Variants in SOS1 observed in about 807,000 individuals in gnomAD.
SOS1 encodes son of sevenless homolog 1.
In SOS1, 25 loss-of-function variants were observed where a neutral mutation model predicts 157.6. That is an observed-to-expected ratio of 0.16 (90% confidence interval 0.12 to 0.22). The LOEUF (loss-of-function observed/expected upper bound fraction) is 0.22, where lower values mean the gene tolerates loss of function less well. SOS1 is among the 10% of genes least tolerant of loss of function. SOS1 has a pLI of 1.00. For synonymous variants in SOS1, 528 were observed against 534.0 expected (o/e 0.99, Z 0.16); for missense variants, 1,237 against 1,599.1 (o/e 0.77, Z 3.86).
chr2:39,047,152 T>G (rs549416860), intron 6 of SOS1, among the ~76,000 whole-genome samples: 6 of 152,232 alleles, frequency 3.9e-5, no homozygotes, highest in Non-Finnish European at 8.8e-5. Flanking sequence ...TTTCCAAAGA[T>G]ACATGTTTCT....
chr2:39,007,208 A>G lies in SOS1; in HGVS notation c.2511-15T>C. 5 of 1,487,208 alleles carry G rather than the reference A, an allele frequency of 3.4e-6. No individual in the cohort carries two copies. The highest frequency in any genetic ancestry group is 4.7e-6 in the Non-Finnish European group (5 of 1,064,900). The allele number at this position is 1,487,208 out of a possible 1,614,324, so 92.1% of individuals were successfully genotyped here. A position where few individuals can be genotyped will look rare whatever the true frequency, so the allele number is the denominator to read the frequency against. ...CTACAATACATCTGGGAATAAAAAA[A>G]AAGTGAACTAAAGGTTTTAGAGTTT... On this transcript the variant is annotated splice_polypyrimidine_tract_variant and intron_variant, in intron 15 of 22. Transcript: ENST00000402219.
chr2:39,092,450 G>A (rs952161718), intron 1 of SOS1, among the ~76,000 whole-genome samples: 12 of 152,098 alleles, frequency 7.9e-5, no homozygotes, highest in African/African-American at 2.7e-4. Flanking sequence ...GGCTGTCCTC[G>A]ACCATTATTT....
chr2:39,000,047 A>C (rs1572809298), intron 17 of SOS1, among the ~76,000 whole-genome samples: 1 of 152,194 alleles, frequency 6.6e-6, no homozygotes, highest in Non-Finnish European at 1.5e-5. Flanking sequence ...GGAGTGGATA[A>C]ATATTTAAGA....
chr2:39,091,838 G>A (rs1230589852), intron 1 of SOS1, among the ~76,000 whole-genome samples: 1 of 152,144 alleles, frequency 6.6e-6, no homozygotes, highest in Admixed American at 6.5e-5. Context: ...CCACTTTCTT[G>A]CCACTCCTTC....
At chr2:39,012,031 G>C (rs1669488917) in intron 14 of SOS1, 95 bp downstream of exon 14, 1 of 927,692 alleles carries the variant, frequency 1.1e-6, no homozygotes, top group African/African-American at 1.6e-5. Context: ...TTTCAGTTAA[G>C]TCTTATGAAA....
chr2:39,094,746 C>T (rs1168189473), intron 1 of SOS1, among the ~76,000 whole-genome samples: 1 of 152,074 alleles, frequency 6.6e-6, no homozygotes, highest in Non-Finnish European at 1.5e-5. Flanking sequence ...CTAAGATAAC[C>T]CTGGAATAAC....
At chr2:39,009,132 G>A (rs1018930545) in intron 15 of SOS1, among the ~76,000 whole-genome samples, 1 of 151,892 alleles carries the variant, frequency 6.6e-6, no homozygotes, top group East Asian at 1.9e-4. Context: ...AATGTGCATC[G>A]AAGAGAGGAT....
rs566171124 is a variant in SOS1, at chr2:39,112,709, T to C, written c.87+7627A>G. On this transcript the variant is annotated intron_variant, in intron 1 of 22. Coordinates refer to ENST00000402219, the MANE Select transcript of SOS1 (RefSeq NM_005633.4). ...CTTACTACTTTCCTTTTCTTCACTC[T>C]GTAAAAAAAATTTGCCTTTCATTTC... Among the ~76,000 whole-genome samples, 32 of 152,288 alleles carry C rather than the reference T, an allele frequency of 2.1e-4. No homozygotes were observed. The East Asian group carries it at 6.0e-3, about 28-fold the overall frequency.
chr2:39,054,880 G>C, intron 4 of SOS1, 57 bp from the exon 5 acceptor site: 1 of 914,850 alleles, frequency 1.1e-6, no homozygotes. Context: ...CGTAGAATTT[G>C]ATGTGAAATG....
At chr2:39,036,156 G>A (rs760163767) in intron 6 of SOS1, among the ~76,000 whole-genome samples, 9 of 152,034 alleles carry the variant, frequency 5.9e-5, no homozygotes, top group South Asian at 2.1e-4. Context: ...AAATAGAGTC[G>A]CTACTCTTCT....
chr2:39,119,655 G>T (rs142856413), intron 1 of SOS1, among the ~76,000 whole-genome samples: 1 of 152,180 alleles, frequency 6.6e-6, no homozygotes. Flanking sequence ...CAGATCGGGG[G>T]TATGTAACTT....
intron 15 of SOS1, 127 bp downstream of exon 15, chr2:39,010,457 G>A: frequency 1.3e-6 from 1 of 793,786 alleles, no homozygotes; most frequent in Non-Finnish European, 2.1e-6. Context: ...GTGGGCCGAT[G>A]TGCCACTGCA....
At chr2:39,105,312 G>A (rs572298218) in intron 1 of SOS1, among the ~76,000 whole-genome samples, 1 of 148,986 alleles carries the variant, frequency 6.7e-6, no homozygotes, top group Admixed American at 6.7e-5. Flanking sequence ...TTTAAATAGA[G>A]ATGGGGTCTC....
intron 17 of SOS1, among the ~76,000 whole-genome samples, chr2:39,003,259 G>C (rs1208818633): frequency 6.6e-6 from 1 of 152,074 alleles, no homozygotes. Context: ...ATTAAAAAAA[G>C]TTTGTAGATA....
chr2:39,084,959 A>G (rs1401725541), intron 1 of SOS1, among the ~76,000 whole-genome samples: 2 of 152,120 alleles, frequency 1.3e-5, no homozygotes, highest in Non-Finnish European at 2.9e-5. Flanking sequence ...CCCTTTATCA[A>G]TGATGTCCTG....
At chr2:39,122,286 C>T (rs1249581289), upstream of SOS1, among the ~76,000 whole-genome samples, 2 of 151,788 alleles carry the variant, frequency 1.3e-5, no homozygotes, top group Non-Finnish European at 2.9e-5. Context: ...AAAAATTAGC[C>T]GAGCATGGTG....
At chr2:39,034,136 T>C (rs1670262181) in intron 8 of SOS1, among the ~76,000 whole-genome samples, 1 of 152,254 alleles carries the variant, frequency 6.6e-6, no homozygotes, top group East Asian at 1.9e-4. Flanking sequence ...GCTAAGAGCT[T>C]TGTCATTTCT....
chr2:39,067,590 TTAGATA>T (rs1218843148), intron 2 of SOS1, 32 bp downstream of exon 2: 2 of 1,591,464 alleles, frequency 1.3e-6, no homozygotes, highest in Admixed American at 3.3e-5. Context: ...AACACACAAA[TTAGATA>T]TAAAGTAAAT....
At chr2:39,072,428 G>T (rs939053915) in intron 1 of SOS1, among the ~76,000 whole-genome samples, 1 of 152,150 alleles carries the variant, frequency 6.6e-6, no homozygotes, top group East Asian at 1.9e-4. Context: ...AGTCTGTTTG[G>T]TTGTTTGGTT....
Sources: gnomAD v4.1 joint callset for allele counts (sites outside exome capture counted in the v4.1 genomes callset) on GRCh38, gnomAD v4.1.1 for gene constraint, MANE v1.5 for transcripts, NCBI Gene and HGNC (gene_info 2026-07-23, HGNC 2026-07-21) for gene names.